NRIP3: variants seen among roughly 807,000 people sequenced by gnomAD.
The protein encoded by NRIP3 is nuclear receptor-interacting protein 3.
In NRIP3, 31 loss-of-function variants were observed where a neutral mutation model predicts 29.0. That is an observed-to-expected ratio of 1.07 (90% confidence interval 0.80 to 1.44). The LOEUF (loss-of-function observed/expected upper bound fraction) is 1.44, where lower values mean the gene tolerates loss of function less well. Ranked by LOEUF, NRIP3 falls within the 40% of genes most tolerant of loss-of-function variation. The pLI, the probability that NRIP3 is intolerant of heterozygous loss-of-function variation, is 0.00. For synonymous variants in NRIP3, 131 were observed against 118.3 expected, an observed-to-expected ratio of 1.11 and a Z score of -0.70; for missense variants, 314 against 297.9, an observed-to-expected ratio of 1.05 and a Z score of -0.40.
chr11:8,983,511 G>GCATGCA lies in NRIP3; in HGVS notation c.*28_*33dup, dbSNP rs1471977029. On this transcript the variant is annotated 3_prime_UTR_variant, in exon 7 of 7. Coordinates refer to ENST00000309166, the MANE Select transcript of NRIP3 (RefSeq NM_020645.3). ...CTCTATCTGTCAACCCGGTGTGTAT[G>GCATGCA]CATGCACACGTGCAGACATGCTGCA... 6.2e-7 allele frequency: 1 copy of GCATGCA among 1,608,568 alleles called. No individual in the cohort carries two copies. The highest frequency in any genetic ancestry group is 8.5e-7 in the Non-Finnish European group (1 of 1,175,722).
At chr11:8,990,243 T>TA (rs1854577577) in intron 1 of NRIP3, among the ~76,000 whole-genome samples, 1 of 152,144 alleles carries the variant, frequency 6.6e-6, no homozygotes, top group African/African-American at 2.4e-5. Context: ...ATGGTCTTTT[T>TA]AAAAAAAGAC....
In NRIP3 at chr11:8,983,868, C is replaced by T. The variant is rs973902484; in HGVS notation, c.710+7G>A. ...TGTGACTTGATCTGACCCATTTGGGCACTCACTTGTCTTCATTCAAAGAGA... is the reference window on the plus strand; with the variant it reads ...TGTGACTTGATCTGACCCATTTGGGTACTCACTTGTCTTCATTCAAAGAGA... On this transcript the variant is annotated splice_region_variant and intron_variant, in intron 6 of 6. Transcript: ENST00000309166. 4 of 1,611,590 alleles carry T rather than the reference C, an allele frequency of 2.5e-6. No individual in the cohort carries two copies. The African/African-American group carries it at 5.3e-5, about 22-fold the overall frequency.
In NRIP3 at chr11:8,980,882, C is replaced by T. The variant is rs1042771587; in HGVS notation, c.*2663G>A. The T allele has an allele frequency of 1.3e-5, 2 of 152,188 alleles. No homozygotes were observed. The highest frequency in any genetic ancestry group is 2.9e-5 in the Non-Finnish European group (2 of 68,038). The allele number at this position is 152,188 out of a possible 1,614,324, so 9.4% of individuals were successfully genotyped here. On this transcript the variant is annotated 3_prime_UTR_variant, in exon 7 of 7. Transcript: ENST00000309166. ...GTCAGAAAATGTTATTTTCCCGAGT[C>T]AGGCATGGAAATATCAAATGATAAA... is the stretch of plus-strand genomic sequence containing the variant.
intron 1 of NRIP3, among the ~76,000 whole-genome samples, chr11:8,994,512 G>A (rs1021507223): frequency 2.0e-5 from 3 of 152,152 alleles, no homozygotes; most frequent in African/African-American, 4.8e-5. Context: ...ATAATGCCAG[G>A]TTATCTTATA....
chr11:9,003,873 C>G lies in NRIP3; in HGVS notation c.63G>C (p.Ala21=). The G allele has an allele frequency of 6.6e-7, 1 of 1,521,862 alleles. No homozygotes were observed. The highest frequency in any genetic ancestry group is 8.8e-7 in the Non-Finnish European group (1 of 1,136,078). 94.3% of individuals were successfully genotyped at this position (1,521,862 alleles called of 1,614,324 possible). The stretch of plus-strand genomic sequence containing the variant: ...TCATCCGGCGCTGCTGTCGCAGTGA[C>G]GCCGCCTCCCGCATGTCGGTCTCCT... The part of the protein sequence containing the change: ...GRKETDMREA[A]SLRQQRRMKQ... The change falls in exon 1 of 7, where the codon GCG becomes GCC. Residue 21 remains alanine, a synonymous_variant. Transcript: ENST00000309166.
chr11:9,004,128 CCCGCG>C (rs1854871222), upstream of NRIP3: 6 of 422,842 alleles, frequency 1.4e-5, no homozygotes, highest in Non-Finnish European at 2.4e-5. Flanking sequence ...CGTCCCGCGT[CCCGCG>C]TCCCGCGTCC....
In NRIP3 at chr11:8,987,576, T is replaced by C. The variant is rs1158360004; in HGVS notation, c.394A>G (p.Ile132Val). ...AATCTGTCCACACAGGCCAAAGAGA[T>C]GAGATTATATAGGCAGCCTGTGTCA... ...LVDTGCLYNL[I>V]SLACVDRLGL... Residue 132 changes from isoleucine (I) to valine (V), a missense_variant, in exon 3 of 7, where the codon ATC becomes GTC. Transcript: ENST00000309166. 1.2e-6 allele frequency: 2 copies of C among 1,605,602 alleles called. No individual in the cohort carries two copies. Among genetic ancestry groups the C allele is most frequent in the Non-Finnish European group, 1.7e-6 (2 of 1,172,428 alleles).
chr11:8,983,911 A>G lies in NRIP3; in HGVS notation c.674T>C (p.Ile225Thr), dbSNP rs772083031. 1 of 1,614,028 alleles carries G rather than the reference A, an allele frequency of 6.2e-7. No homozygotes were observed. The highest frequency in any genetic ancestry group is 2.2e-5 in the East Asian group (1 of 44,888). ...CAAAGAGACTGTCTCCACAAAAGGGATTTCTTCCTTGTCTGTCTTCCCCAT... is the reference window on the plus strand; with the variant it reads ...CAAAGAGACTGTCTCCACAAAAGGGGTTTCTTCCTTGTCTGTCTTCCCCAT... ...LIMGKTDKEEIPFVETVSLNE... is the reference protein window; with the variant it reads ...LIMGKTDKEETPFVETVSLNE... The change falls in exon 6 of 7, where the codon ATC becomes ACC. Residue 225 changes from isoleucine to threonine, a missense_variant. By Grantham distance (89) the Ile-to-Thr change is moderately conservative. Coordinates refer to ENST00000309166, the MANE Select transcript of NRIP3 (RefSeq NM_020645.3).
At chr11:8,992,350 G>C (rs1457286029) in intron 1 of NRIP3, among the ~76,000 whole-genome samples, 3 of 152,154 alleles carry the variant, frequency 2.0e-5, no homozygotes, top group African/African-American at 7.2e-5. Context: ...ACAGCTGAAG[G>C]GTAGTGTGGG....
intron 3 of NRIP3, among the ~76,000 whole-genome samples, chr11:8,986,199 G>A (rs192661729): frequency 2.0e-5 from 3 of 152,310 alleles, no homozygotes; most frequent in Non-Finnish European, 4.4e-5. Flanking sequence ...CCATCTGTGA[G>A]TAACAGATAC....
At chr11:8,984,518 C>T (rs1447696269) in intron 4 of NRIP3, among the ~76,000 whole-genome samples, 3 of 152,210 alleles carry the variant, frequency 2.0e-5, no homozygotes, top group Non-Finnish European at 4.4e-5. Flanking sequence ...CCGCCTCAGC[C>T]TCCCAAAGTG....
intron 4 of NRIP3, among the ~76,000 whole-genome samples, chr11:8,984,888 G>A (rs916361081): frequency 2.7e-5 from 4 of 150,708 alleles, no homozygotes; most frequent in Admixed American, 1.3e-4. Context: ...TTTCGCTCTT[G>A]TTGCCCAGGC....
intron 1 of NRIP3, 106 bp from the exon 2 acceptor site, chr11:8,988,388 T>C (rs1854550913): frequency 1.1e-6 from 1 of 882,082 alleles, no homozygotes; most frequent in Non-Finnish European, 1.7e-6. Flanking sequence ...ATAACTGAGC[T>C]CTATCTTTGC....
Position 8,983,148 on chromosome 11 carries a change from A to G in NRIP3, c.*397T>C, listed in dbSNP as rs149018600. On this transcript the variant is annotated 3_prime_UTR_variant, in exon 7 of 7. Transcript: ENST00000309166. ...CTGTTTGAAACAGCTGAAAGGAGGT[A>G]AAGGTCAGGTTCCTGTTTATTATAC... 19 of 396,804 alleles carry G rather than the reference A, an allele frequency of 4.8e-5. No homozygotes were observed. Among genetic ancestry groups the G allele is most frequent in the African/African-American group, 2.9e-4 (14 of 47,948 alleles). 24.6% of individuals were successfully genotyped at this position (396,804 alleles called of 1,614,324 possible).
chr11:9,003,104 G>A (rs2134935365), intron 1 of NRIP3, among the ~76,000 whole-genome samples: 1 of 152,300 alleles, frequency 6.6e-6, no homozygotes, highest in Admixed American at 6.5e-5. Context: ...TAGCTGGTCG[G>A]TGAGATGCAG....
chr11:9,003,989 G>C lies in NRIP3; in HGVS notation c.-54C>G, dbSNP rs1203888950. 4.9e-6 allele frequency: 7 copies of C among 1,416,520 alleles called. No individual in the cohort carries two copies. The highest frequency in any genetic ancestry group is 5.6e-6 in the Non-Finnish European group (6 of 1,079,246). 87.7% of individuals were successfully genotyped at this position (1,416,520 alleles called of 1,614,324 possible). ...ACAGCCCCCCGGCAGCCTCAGCCTC[G>C]AGCTCCTCCAGCGCCGCAAGGGCCC... On this transcript the variant is annotated 5_prime_UTR_variant, in exon 1 of 7. Coordinates refer to ENST00000309166, the MANE Select transcript of NRIP3 (RefSeq NM_020645.3).
At chr11:9,001,802 C>G (rs1854804982) in intron 1 of NRIP3, among the ~76,000 whole-genome samples, 1 of 144,564 alleles carries the variant, frequency 6.9e-6, no homozygotes, top group Non-Finnish European at 1.5e-5. Context: ...TTTCTGTAAC[C>G]TGGCTGTTCT....
chr11:9,001,287 T>C (rs901554146), intron 1 of NRIP3, among the ~76,000 whole-genome samples: 1 of 152,154 alleles, frequency 6.6e-6, no homozygotes, highest in Non-Finnish European at 1.5e-5. Flanking sequence ...TGATTTCCTA[T>C]GGTTGCCTTC....
intron 1 of NRIP3, among the ~76,000 whole-genome samples, chr11:8,998,784 A>ATTTG (rs1854750194): frequency 2.6e-5 from 2 of 77,606 alleles, no homozygotes; most frequent in Non-Finnish European, 4.9e-5. Flanking sequence ...CAAACTCTTC[A>ATTTG]TTTTTTTTTT....
Sources: gnomAD v4.1 joint callset for allele counts (sites outside exome capture counted in the v4.1 genomes callset) on GRCh38, gnomAD v4.1.1 for gene constraint, MANE v1.5 for transcripts, NCBI Gene and HGNC (gene_info 2026-07-23, HGNC 2026-07-21) for gene names.